EYS: variants seen among roughly 807,000 people sequenced by gnomAD.
The protein encoded by EYS is EGF-like photoreceptor maintenance factor, also known as protein eyes shut homolog.
In EYS, 250 loss-of-function variants were observed where a neutral mutation model predicts 282.1. That is an observed-to-expected ratio of 0.89 (90% CI 0.80 to 0.98). EYS has a LOEUF of 0.98. EYS is among the 50% of genes least tolerant of loss of function. EYS has a pLI of 0.00. For synonymous variants in EYS, 1,355 were observed against 1,282.9 expected (o/e 1.06, Z -1.20); for missense variants, 4,016 against 3,709.0 (o/e 1.08, Z -2.15).
intron 5 of EYS, among the ~76,000 whole-genome samples, chr6:65,426,952 GTAGT>G (rs1429291540): frequency 1.3e-5 from 2 of 152,002 alleles, no homozygotes; most frequent in Non-Finnish European, 2.9e-5. Context: ...TAATATTAAT[GTAGT>G]TAAATACATA....
At chr6:64,250,537 G>A (rs1213131482) in intron 30 of EYS, among the ~76,000 whole-genome samples, 1 of 152,094 alleles carries the variant, frequency 6.6e-6, no homozygotes, top group Non-Finnish European at 1.5e-5. Flanking sequence ...AAGCAATGAT[G>A]GAAAAATTTT....
At chr6:65,070,977 A>C (rs1773886874) in intron 12 of EYS, among the ~76,000 whole-genome samples, 1 of 151,858 alleles carries the variant, frequency 6.6e-6, no homozygotes. Flanking sequence ...CTATACATAC[A>C]TTTGTCACTT....
intron 41 of EYS, among the ~76,000 whole-genome samples, chr6:63,732,846 C>T (rs895290223): frequency 2.0e-5 from 3 of 152,112 alleles, no homozygotes; most frequent in Non-Finnish European, 4.4e-5. Context: ...TGCTGTCATC[C>T]TTGTGGATGG....
chr6:63,864,441 C>T lies in EYS; in HGVS notation c.7056-83G>A, dbSNP rs541679940. On this transcript the variant is annotated intron_variant, in intron 35 of 42. Coordinates refer to ENST00000503581, the MANE Select transcript of EYS (RefSeq NM_001142800.2). ...ATACACATATATACACATGCATGAACACATATGCAAATAAAATTATAATTG... is the reference window on the plus strand; with the variant it reads ...ATACACATATATACACATGCATGAATACATATGCAAATAAAATTATAATTG... 1.1e-5 allele frequency: 10 copies of T among 912,060 alleles called. No homozygotes were observed. In the South Asian group the frequency reaches 1.8e-4, roughly 16 times the overall value. The allele number at this position is 912,060 out of a possible 1,614,324, so 56.5% of individuals were successfully genotyped here. A position where few individuals can be genotyped will look rare whatever the true frequency, so the allele number is the denominator to read the frequency against.
At position 65,364,733 on chromosome 6, in the gene EYS, G is replaced by A. The variant is rs1764849426; in HGVS notation, c.1300-11116C>T. Among the ~76,000 whole-genome samples the A allele has an allele frequency of 2.0e-5, 3 of 151,570 alleles. No homozygotes were observed. In the South Asian group the frequency reaches 6.2e-4, roughly 31 times the overall value. On this transcript the variant is annotated intron_variant, in intron 8 of 42. Coordinates refer to ENST00000503581, the MANE Select transcript of EYS (RefSeq NM_001142800.2). ...CCTTCTCCCCGGATGACACCATGGA[G>A]CTCTCAACATCTTTACTTAAAGAGA...
intron 22 of EYS, among the ~76,000 whole-genome samples, chr6:64,758,916 A>T (rs760567951): frequency 1.1e-4 from 16 of 152,140 alleles, no homozygotes; most frequent in Non-Finnish European, 2.1e-4. Flanking sequence ...AGGTCGGCGG[A>T]TCACTAGGTC....
intron 31 of EYS, among the ~76,000 whole-genome samples, chr6:64,100,325 T>C (rs903780081): frequency 7.2e-5 from 11 of 152,304 alleles, no homozygotes; most frequent in African/African-American, 2.4e-4. Flanking sequence ...AAAATTTCAA[T>C]GATGATATAT....
intron 22 of EYS, among the ~76,000 whole-genome samples, chr6:64,747,171 A>T (rs1289122535): frequency 6.6e-6 from 1 of 152,188 alleles, no homozygotes; most frequent in Non-Finnish European, 1.5e-5. Flanking sequence ...CTACTTTGTA[A>T]TTTTTGGTAA....
intron 31 of EYS, among the ~76,000 whole-genome samples, chr6:64,140,483 G>C (rs563065630): frequency 6.6e-6 from 1 of 152,114 alleles, no homozygotes; most frequent in East Asian, 1.9e-4. Flanking sequence ...TCATCCCAAG[G>C]AGGTGGACCT....
chr6:65,009,297 A>T (rs992493229), intron 13 of EYS, among the ~76,000 whole-genome samples: 1 of 152,130 alleles, frequency 6.6e-6, no homozygotes, highest in Admixed American at 6.5e-5. Context: ...AAACCATGCA[A>T]TAGCCCCTGC....
chr6:63,986,680 A>G lies in EYS; in HGVS notation c.6835-2077T>C, dbSNP rs185927800. Reference sequence around the variant, plus strand: ...CCTCAGCAAACTAATGAAGGATCGGAAAACCAAATGCAGCATGATTCTCAC... The same window carrying G: ...CCTCAGCAAACTAATGAAGGATCGGGAAACCAAATGCAGCATGATTCTCAC... On this transcript the variant is annotated intron_variant, in intron 34 of 42. Transcript: ENST00000503581. Among the ~76,000 whole-genome samples, 5 of 151,946 alleles carry G rather than the reference A, an allele frequency of 3.3e-5. No homozygotes were observed. The East Asian group carries it at 9.7e-4, about 30-fold the overall frequency.
chr6:65,349,024 G>T (rs1040710625), intron 9 of EYS, among the ~76,000 whole-genome samples: 1 of 151,480 alleles, frequency 6.6e-6, no homozygotes, highest in South Asian at 2.1e-4. Flanking sequence ...TTAATCCAGA[G>T]AATGTTTAAA....
chr6:65,627,914 G>T, intron 2 of EYS, among the ~76,000 whole-genome samples: 1 of 152,354 alleles, frequency 6.6e-6, no homozygotes, highest in East Asian at 1.9e-4. Flanking sequence ...CCACCCAAGG[G>T]CTGAGGAATG....
chr6:65,345,105 G>A (rs957260522), intron 9 of EYS, among the ~76,000 whole-genome samples: 8 of 151,502 alleles, frequency 5.3e-5, no homozygotes, highest in South Asian at 4.2e-4. Flanking sequence ...TCTCCCTACC[G>A]TGTGAATATT....
intron 19 of EYS, among the ~76,000 whole-genome samples, chr6:64,868,902 G>T (rs922917564): frequency 6.6e-6 from 1 of 151,434 alleles, no homozygotes; most frequent in Admixed American, 6.6e-5. Flanking sequence ...TAAGCTCAGT[G>T]TTCTTTCCCT....
At chr6:65,173,994 G>A (rs939161858) in intron 12 of EYS, among the ~76,000 whole-genome samples, 1 of 150,944 alleles carries the variant, frequency 6.6e-6, no homozygotes, top group African/African-American at 2.4e-5. Context: ...GATAACATAA[G>A]GACTCTGACT....
At chr6:65,041,658 T>C (rs1227118630) in intron 13 of EYS, among the ~76,000 whole-genome samples, 1 of 151,728 alleles carries the variant, frequency 6.6e-6, no homozygotes, top group African/African-American at 2.4e-5. Flanking sequence ...TCATCTCTTA[T>C]TTCCTGTTTT....
chr6:65,254,035 C>T (rs1171516242), intron 12 of EYS, among the ~76,000 whole-genome samples: 2 of 151,812 alleles, frequency 1.3e-5, no homozygotes, highest in Admixed American at 6.6e-5. Context: ...TCTATAAAGT[C>T]ACCTAAGAAC....
At chr6:65,702,674 AGAGT>A (rs1769720606) in intron 1 of EYS, among the ~76,000 whole-genome samples, 1 of 152,266 alleles carries the variant, frequency 6.6e-6, no homozygotes, top group Non-Finnish European at 1.5e-5. Flanking sequence ...CCTGGGTGAC[AGAGT>A]GAGACTCCAC....
Sources: gnomAD v4.1 joint callset for allele counts (sites outside exome capture counted in the v4.1 genomes callset) on GRCh38, gnomAD v4.1.1 for gene constraint, MANE v1.5 for transcripts, NCBI Gene and HGNC (gene_info 2026-07-23, HGNC 2026-07-21) for gene names.